RBFOX3: variants seen among roughly 807,000 people sequenced by gnomAD.
RBFOX3 encodes the protein RNA binding fox-1 homolog 3, also known as RNA binding protein fox-1 homolog 3.
RBFOX3 carries 17 observed loss-of-function variants against 48.7 expected under a neutral mutation model. The observed-to-expected ratio is 0.35, with a 90% CI of 0.24 to 0.52. The LOEUF (loss-of-function observed/expected upper bound fraction) is 0.52, where lower values mean the gene tolerates loss of function less well. RBFOX3 is among the 20% of genes least tolerant of loss of function. RBFOX3 has a pLI of 0.94. For synonymous variants in RBFOX3, 212 were observed against 209.5 expected, an observed-to-expected ratio of 1.01 and a Z score of -0.10; for missense variants, 382 against 497.5, an observed-to-expected ratio of 0.77 and a Z score of 2.21.
In RBFOX3 at chr17:79,199,128, A is replaced by G. The variant is rs1235977728; in HGVS notation, c.-34+36638T>C. Reference sequence around the variant, plus strand: ...AAGTGGGGGCTGTCTCCATGGAGTGAAAGCTGCCCAGCAAAGGGTGCAGCT... The same window carrying G: ...AAGTGGGGGCTGTCTCCATGGAGTGGAAGCTGCCCAGCAAAGGGTGCAGCT... On this transcript the variant is annotated intron_variant, in intron 4 of 14. Coordinates refer to ENST00000693108, the MANE Select transcript of RBFOX3 (RefSeq NM_001350451.2). This position sits in a 1 kb window ranked among gnomAD's most constrained non-coding sequence, Gnocchi z 5.1. 6.6e-6 allele frequency among the ~76,000 whole-genome samples: 1 copy of G among 152,156 alleles called. No homozygotes were observed. The highest frequency in any genetic ancestry group is 1.9e-4 in the East Asian group (1 of 5,196).
intron 10 of RBFOX3, 78 bp from the exon 11 acceptor site, chr17:79,097,502 C>A: frequency 1.4e-6 from 2 of 1,435,960 alleles, no homozygotes; most frequent in Admixed American, 5.0e-5. Flanking sequence ...TACACCTAGC[C>A]CCCCCGCGCA....
chr17:79,243,668 T>C lies in RBFOX3; in HGVS notation c.-73-7863A>G, dbSNP rs2062725520. On this transcript the variant is annotated intron_variant, in intron 3 of 14. Transcript: ENST00000693108. This position sits in a 1 kb window ranked among gnomAD's most constrained non-coding sequence, Gnocchi z 7.9. ...CACCTGTGGACTGAACTGAACTCAC[T>C]GGCCCACCCCTGAGCACCCTTGACA... Among the ~76,000 whole-genome samples the C allele has an allele frequency of 6.6e-6, 1 of 152,046 alleles. No homozygotes were observed. Among genetic ancestry groups the C allele is most frequent in the Admixed American group, 6.5e-5 (1 of 15,268 alleles).
rs2059528023 is a variant in RBFOX3, at chr17:79,220,016, C to G, written c.-34+15750G>C. ...ACAGCCAGCACTTCCTGTCTGGGGACACCTCCAACCGGCACCCCTGCCTGC... is the reference window on the plus strand; with the variant it reads ...ACAGCCAGCACTTCCTGTCTGGGGAGACCTCCAACCGGCACCCCTGCCTGC... On this transcript the variant is annotated intron_variant, in intron 4 of 14. Transcript: ENST00000693108. This position sits in a 1 kb window ranked among gnomAD's most constrained non-coding sequence, Gnocchi z 5.9. Among the ~76,000 whole-genome samples the G allele has an allele frequency of 6.6e-6, 1 of 150,764 alleles. No homozygotes were observed. The highest frequency in any genetic ancestry group is 1.5e-5 in the Non-Finnish European group (1 of 67,696).
chr17:79,400,186 G>T (rs939078769), intron 2 of RBFOX3, among the ~76,000 whole-genome samples: 9 of 152,222 alleles, frequency 5.9e-5, no homozygotes, highest in Admixed American at 3.9e-4. Flanking sequence ...AAACTGGGTG[G>T]CTCAGAGCAA....
At chr17:79,432,307 TA>T (rs1361991632) in intron 2 of RBFOX3, among the ~76,000 whole-genome samples, 12 of 152,256 alleles carry the variant, frequency 7.9e-5, no homozygotes, top group Admixed American at 2.0e-4. Context: ...GTTGGGTGTA[TA>T]CCCAGAAGTG....
intron 3 of RBFOX3, among the ~76,000 whole-genome samples, chr17:79,258,897 C>T (rs142973962): frequency 1.3e-5 from 2 of 152,338 alleles, no homozygotes; most frequent in South Asian, 2.1e-4. Context: ...CATGGCTACT[C>T]GATGCCATGT....
At chr17:79,269,800 A>G (rs994649421) in intron 3 of RBFOX3, among the ~76,000 whole-genome samples, 11 of 148,640 alleles carry the variant, frequency 7.4e-5, no homozygotes, top group African/African-American at 2.4e-4. Context: ...GTTCCTTTCC[A>G]TTGTAAACAT....
At chr17:79,646,626 C>T in the RBFOX3 span, among the ~76,000 whole-genome samples, 1 of 152,176 alleles carries the variant, frequency 6.6e-6, no homozygotes, top group African/African-American at 2.4e-5. Context: ...ATTATCTCCA[C>T]CTGGCCCTGC....
At chr17:79,585,798 CT>C (rs1173026835) in intron 1 of RBFOX3, among the ~76,000 whole-genome samples, 4 of 152,108 alleles carry the variant, frequency 2.6e-5, no homozygotes, top group African/African-American at 9.7e-5. Context: ...ACAGATGAGC[CT>C]GATGGGCCGA....
rs984720582 is a variant in RBFOX3, at chr17:79,390,559, C to T, written c.-174-82735G>A. On this transcript the variant is annotated intron_variant, in intron 2 of 14. Transcript: ENST00000693108. The surrounding 1 kb of genome is among the most constrained non-coding windows in gnomAD (Gnocchi z 4.2). ...GTGGCACAATCTCGGCTCACTACAACGTCTGCCTCTCAGGTTCAAGTGATT... is the reference window on the plus strand; with the variant it reads ...GTGGCACAATCTCGGCTCACTACAATGTCTGCCTCTCAGGTTCAAGTGATT... 2.0e-5 allele frequency among the ~76,000 whole-genome samples: 3 copies of T among 151,766 alleles called. No individual in the cohort carries two copies. Among genetic ancestry groups the T allele is most frequent in the Non-Finnish European group, 2.9e-5 (2 of 68,000 alleles).
intron 2 of RBFOX3, among the ~76,000 whole-genome samples, chr17:79,317,974 G>A (rs1293665343): frequency 2.6e-5 from 4 of 152,118 alleles, no homozygotes; most frequent in African/African-American, 7.2e-5. Context: ...TAAGCTTGCC[G>A]CTTCATCATT....
intron 4 of RBFOX3, among the ~76,000 whole-genome samples, chr17:79,118,590 T>C (rs1174189680): frequency 6.6e-6 from 1 of 151,728 alleles, no homozygotes; most frequent in African/African-American, 2.4e-5. Context: ...GGGAGATGAA[T>C]TTGCTGATAA....
rs114934718 is a variant in RBFOX3 at position 79,222,094 on chromosome 17, C to T, written c.-34+13672G>A. On this transcript the variant is annotated intron_variant, in intron 4 of 14. Transcript: ENST00000693108. ...TTTCTACCCGTTGCCTGATTTCTAC[C>T]CATTGCCTGATTTCTACTGCTGCTT... is the stretch of plus-strand genomic sequence containing the variant. Among the ~76,000 whole-genome samples, 471 of 135,166 alleles carry T rather than the reference C, an allele frequency of 3.5e-3. 2 individuals carry two copies. Among genetic ancestry groups the T allele is most frequent in the African/African-American group, 0.014 (444 of 31,582 alleles). The allele number at this position is 135,166 out of a possible 152,430, so 88.7% of individuals were successfully genotyped here. A position where few individuals can be genotyped will look rare whatever the true frequency, so the allele number is the denominator to read the frequency against.
chr17:79,255,924 T>C (rs1443184095), intron 3 of RBFOX3, among the ~76,000 whole-genome samples: 10 of 151,290 alleles, frequency 6.6e-5, no homozygotes. Context: ...CTGGACCCGC[T>C]GCCTGCCGAG....
At position 79,423,544 on chromosome 17, in the gene RBFOX3, G is replaced by A. The variant is rs1011981384; in HGVS notation, c.-175+58910C>T. ...CGGTACCCAGCACCTGGGGTTCTCC[G>A]CTATCTCCCACACATCGTTCTCAAA... On this transcript the variant is annotated intron_variant, in intron 2 of 14. Coordinates refer to ENST00000693108, the MANE Select transcript of RBFOX3 (RefSeq NM_001350451.2). This position sits in a 1 kb window ranked among gnomAD's most constrained non-coding sequence, Gnocchi z 4.9. Among the ~76,000 whole-genome samples the A allele has an allele frequency of 2.6e-5, 4 of 152,046 alleles. No individual in the cohort carries two copies. Among genetic ancestry groups the A allele is most frequent in the Non-Finnish European group, 4.4e-5 (3 of 68,010 alleles).
rs1360873243 is a variant in RBFOX3 at position 79,204,159 on chromosome 17, A to G, written c.-34+31607T>C. Among the ~76,000 whole-genome samples, 3 of 152,144 alleles carry G rather than the reference A, an allele frequency of 2.0e-5. No homozygotes were observed. Among genetic ancestry groups the G allele is most frequent in the African/African-American group, 7.2e-5 (3 of 41,440 alleles). On this transcript the variant is annotated intron_variant, in intron 4 of 14. Coordinates refer to ENST00000693108, the MANE Select transcript of RBFOX3 (RefSeq NM_001350451.2). This position sits in a 1 kb window ranked among gnomAD's most constrained non-coding sequence, Gnocchi z 4.5. Reference sequence around the variant, plus strand: ...CCCCTACTTCCCCTACTGCCATGACAGCAATAGCTAGAGTTGGGGTTCAGC... The same window carrying G: ...CCCCTACTTCCCCTACTGCCATGACGGCAATAGCTAGAGTTGGGGTTCAGC...
At chr17:79,148,302 T>A (rs1045798571) in intron 4 of RBFOX3, among the ~76,000 whole-genome samples, 1 of 152,242 alleles carries the variant, frequency 6.6e-6, no homozygotes, top group Non-Finnish European at 1.5e-5. Flanking sequence ...GGCTGCCTCC[T>A]GCAGGCCTCA....
rs894132532 is a variant in RBFOX3 at position 79,330,449 on chromosome 17, T to C, written c.-174-22625A>G. ...CTCCACCGAGCACAACGATGCCACCTGTTGTGGTTTTTTTTCTTTTCACGC... is the reference window on the plus strand; with the variant it reads ...CTCCACCGAGCACAACGATGCCACCCGTTGTGGTTTTTTTTCTTTTCACGC... On this transcript the variant is annotated intron_variant, in intron 2 of 14. Coordinates refer to ENST00000693108, the MANE Select transcript of RBFOX3 (RefSeq NM_001350451.2). 2.8e-4 allele frequency among the ~76,000 whole-genome samples: 16 copies of C among 57,100 alleles called. No individual in the cohort carries two copies. In the Admixed American group the frequency reaches 3.6e-3, roughly 13 times the overall value. The allele number at this position is 57,100 out of a possible 152,430, so 37.5% of individuals were successfully genotyped here. A position where few individuals can be genotyped will look rare whatever the true frequency, so the allele number is the denominator to read the frequency against.
intron 4 of RBFOX3, among the ~76,000 whole-genome samples, chr17:79,153,469 G>A (rs1266152300): frequency 1.3e-5 from 2 of 152,182 alleles, no homozygotes; most frequent in African/African-American, 2.4e-5. Context: ...TCGGTGTCAG[G>A]GCTGGGGACT....
Sources: gnomAD v4.1 joint callset for allele counts (sites outside exome capture counted in the v4.1 genomes callset) on GRCh38, gnomAD v4.1.1 for gene constraint, Gnocchi (gnomAD v3.1) non-coding constraint, MANE v1.5 for transcripts, NCBI Gene and HGNC (gene_info 2026-07-23, HGNC 2026-07-21) for gene names.